CHRM3: variants seen among roughly 807,000 people sequenced by gnomAD.
CHRM3 encodes the protein cholinergic receptor muscarinic 3, also known as muscarinic acetylcholine receptor M3.
Under a neutral mutation model 41.8 loss-of-function variants are expected in CHRM3, and 11 were observed. That is an observed-to-expected ratio of 0.26 (90% CI 0.17 to 0.44). CHRM3 has a LOEUF of 0.44. CHRM3 is among the 20% of genes least tolerant of loss of function. CHRM3 has a pLI of 1.00. For missense variants in CHRM3, 571 were observed against 745.4 expected, an observed-to-expected ratio of 0.77 and a Z score of 2.72; for synonymous variants, 297 against 301.4, an observed-to-expected ratio of 0.99 and a Z score of 0.15.
rs1262427134 is a variant in CHRM3 at position 239,827,249 on chromosome 1, C to T, written c.-146-3C>T. ...ACTCCTTGCCTGGTTTCTGTCTTCC[C>T]AGGTGGAGCTGGTCTCTTGGGCAGC... is the stretch of plus-strand genomic sequence containing the variant. On this transcript the variant is annotated splice_polypyrimidine_tract_variant and splice_region_variant and intron_variant, in intron 5 of 6. Coordinates refer to ENST00000676153, the MANE Select transcript of CHRM3 (RefSeq NM_001375978.1). 2 of 152,196 alleles carry T rather than the reference C, an allele frequency of 1.3e-5. No individual in the cohort carries two copies. The highest frequency in any genetic ancestry group is 2.4e-5 in the African/African-American group (1 of 41,448). 9.4% of individuals were successfully genotyped at this position (152,196 alleles called of 1,614,324 possible). A position where few individuals can be genotyped will look rare whatever the true frequency, so the allele number is the denominator to read the frequency against.
At chr1:239,638,874 T>G (rs1670782161) in intron 4 of CHRM3, among the ~76,000 whole-genome samples, 2 of 152,218 alleles carry the variant, frequency 1.3e-5, no homozygotes, top group African/African-American at 4.8e-5. Context: ...CTAGGTTTTC[T>G]TCTAGGGTTT....
intron 5 of CHRM3, among the ~76,000 whole-genome samples, chr1:239,767,781 T>G (rs1241824150): frequency 6.6e-6 from 1 of 152,196 alleles, no homozygotes; most frequent in African/African-American, 2.4e-5. Context: ...ACTGATGGAA[T>G]CAGATGGATC....
At chr1:239,672,437 G>T (rs989184374) in intron 4 of CHRM3, among the ~76,000 whole-genome samples, 2 of 152,192 alleles carry the variant, frequency 1.3e-5, no homozygotes, top group Non-Finnish European at 2.9e-5. Context: ...CAAATGGCAT[G>T]CATGCAAGTG....
chr1:239,677,432 T>C (rs2149084799), intron 4 of CHRM3, among the ~76,000 whole-genome samples: 2 of 152,382 alleles, frequency 1.3e-5, no homozygotes, highest in Middle Eastern at 6.8e-3. Flanking sequence ...CGTCTTTTTT[T>C]GTGCTGCTAT....
chr1:239,666,005 T>C (rs1236525216), intron 4 of CHRM3, among the ~76,000 whole-genome samples: 1 of 152,186 alleles, frequency 6.6e-6, no homozygotes, highest in African/African-American at 2.4e-5. Flanking sequence ...TATAGTAGAA[T>C]GATTTATAAT....
intron 5 of CHRM3, among the ~76,000 whole-genome samples, chr1:239,790,195 G>T (rs1261426710): frequency 6.6e-6 from 1 of 152,146 alleles, no homozygotes. Flanking sequence ...GGACTTTCGG[G>T]TTAATGCAGA....
chr1:239,539,872 C>T (rs1434722580), intron 2 of CHRM3, among the ~76,000 whole-genome samples: 1 of 152,154 alleles, frequency 6.6e-6, no homozygotes, highest in Admixed American at 6.5e-5. Flanking sequence ...CTGCCTGAGC[C>T]TCCCAAAATG....
intron 5 of CHRM3, among the ~76,000 whole-genome samples, chr1:239,765,787 T>G (rs1355803695): frequency 3.9e-5 from 6 of 152,032 alleles, no homozygotes; most frequent in African/African-American, 1.4e-4. Context: ...GAACTAAGTT[T>G]AATAAAATGA....
chr1:239,907,401 TTCTAAC>T lies in CHRM3; in HGVS notation c.-19-28_-19-23del. 1 of 1,535,836 alleles carries T rather than the reference TTCTAAC, an allele frequency of 6.5e-7. No individual in the cohort carries two copies. Among genetic ancestry groups the T allele is most frequent in the Non-Finnish European group, 8.8e-7 (1 of 1,133,608 alleles). On this transcript the variant is annotated intron_variant, in intron 6 of 6. Transcript: ENST00000676153. This position sits in a 1 kb window ranked among gnomAD's most constrained non-coding sequence, Gnocchi z 5.4. ...AACAAACAAATAAAGGCAGAAATTT[TTCTAAC>T]TCTGTCTCTTCTCTCTTTCCCCCAG...
At chr1:239,762,836 G>T (rs1012480917) in intron 5 of CHRM3, among the ~76,000 whole-genome samples, 2 of 152,142 alleles carry the variant, frequency 1.3e-5, no homozygotes, top group African/African-American at 4.8e-5. Context: ...TCATAAAAAT[G>T]GCTGGATTCA....
chr1:239,491,842 C>A (rs1410738602), intron 1 of CHRM3, among the ~76,000 whole-genome samples: 1 of 152,176 alleles, frequency 6.6e-6, no homozygotes, highest in Non-Finnish European at 1.5e-5. Context: ...CAATCTTACT[C>A]TTTGCCTTCT....
At position 239,861,981 on chromosome 1, in the gene CHRM3, G is replaced by C. The variant is rs559947572; in HGVS notation, c.-20+34603G>C. Among the ~76,000 whole-genome samples the C allele has an allele frequency of 3.9e-5, 6 of 152,170 alleles. No individual in the cohort carries two copies. In the South Asian group the frequency reaches 1.0e-3, roughly 26 times the overall value. ...GAGGCTGTCTGTGCAGTTTGTACTA[G>C]AGCCACCAAAAAAACACAAAAGAAC... On this transcript the variant is annotated intron_variant, in intron 6 of 6. Transcript: ENST00000676153.
chr1:239,542,376 G>A lies in CHRM3; in HGVS notation c.-421-3265G>A, dbSNP rs531541855. 2.0e-5 allele frequency among the ~76,000 whole-genome samples: 3 copies of A among 152,190 alleles called. No individual in the cohort carries two copies. The East Asian group carries it at 5.8e-4, about 29-fold the overall frequency. On this transcript the variant is annotated intron_variant, in intron 2 of 6. Transcript: ENST00000676153. ...GTTATCTACTCAGAGAAAACAGGAG[G>A]AGCAAAGTCAAGTATGGAGCGTAGG...
chr1:239,597,858 GTTTTTTTTTTT>G (rs35067421), intron 3 of CHRM3, among the ~76,000 whole-genome samples: 5 of 120,870 alleles, frequency 4.1e-5, no homozygotes, highest in Non-Finnish European at 8.3e-5. Context: ...AACTGTCAGA[GTTTTTTTTTTT>G]TTTTTTTAGG....
chr1:239,404,266 GT>G lies in CHRM3; in HGVS notation c.-521+17040del. On this transcript the variant is annotated intron_variant, in intron 1 of 6. Transcript: ENST00000676153. ...ATCGCACCACTGCACTCCAGCCTGGGTGACAGAGCGAGACTCTGTCTCAAAA... is the reference window on the plus strand; with the variant it reads ...ATCGCACCACTGCACTCCAGCCTGGGGACAGAGCGAGACTCTGTCTCAAAA... 2.0e-5 allele frequency among the ~76,000 whole-genome samples: 3 copies of G among 148,642 alleles called. No individual in the cohort carries two copies. In the Admixed American group the frequency reaches 2.0e-4, roughly 10 times the overall value.
intron 5 of CHRM3, among the ~76,000 whole-genome samples, chr1:239,760,676 T>C (rs1449564017): frequency 1.3e-5 from 2 of 152,186 alleles, no homozygotes; most frequent in Non-Finnish European, 2.9e-5. Flanking sequence ...TTGAGTTCTT[T>C]AAAGGGGCCG....
At chr1:239,438,990 A>G (rs765011056) in intron 1 of CHRM3, among the ~76,000 whole-genome samples, 59 of 152,214 alleles carry the variant, frequency 3.9e-4, no homozygotes, top group Non-Finnish European at 7.6e-4. Flanking sequence ...CATGAACATA[A>G]TAATTCCCCT....
At chr1:239,425,053 T>C (rs1005686222) in intron 1 of CHRM3, among the ~76,000 whole-genome samples, 1 of 152,134 alleles carries the variant, frequency 6.6e-6, no homozygotes, top group Admixed American at 6.5e-5. Flanking sequence ...TGAGAGATGA[T>C]AGAAGCTTGG....
rs765952354 is a variant in CHRM3 at position 239,907,701 on chromosome 1, A to G, written c.250A>G (p.Ile84Val). The G allele has an allele frequency of 1.2e-5, 19 of 1,614,170 alleles. No individual in the cohort carries two copies. The highest frequency in any genetic ancestry group is 1.3e-5 in the Non-Finnish European group (15 of 1,180,042). Reference sequence around the variant, plus strand: ...GGGCATCCTGGCCTTGGTGACCATCATCGGCAACATCCTGGTAATTGTGTC... The same window carrying G: ...GGGCATCCTGGCCTTGGTGACCATCGTCGGCAACATCCTGGTAATTGTGTC... Reference protein sequence around the residue: ...LTGILALVTIIGNILVIVSFK... With the variant: ...LTGILALVTIVGNILVIVSFK... Residue 84 changes from isoleucine (I) to valine (V), a missense_variant, in exon 7 of 7, where the codon ATC (isoleucine) becomes GTC (valine). By Grantham distance (29) the Ile-to-Val change is conservative. Around this residue, in one of 5 missense-constraint regions of CHRM3, gnomAD observed 153 missense variants for 296.3 expected, o/e 0.52. Coordinates refer to ENST00000676153, the MANE Select transcript of CHRM3 (RefSeq NM_001375978.1). The surrounding 1 kb of genome is among the most constrained non-coding windows in gnomAD (Gnocchi z 5.4).
Sources: allele counts gnomAD v4.1 joint callset (sites outside exome capture counted in the v4.1 genomes callset), GRCh38; gene constraint gnomAD v4.1.1; regional missense constraint gnomAD v4.1.1; non-coding constraint Gnocchi (gnomAD v3.1); transcripts MANE v1.5; gene names NCBI Gene and HGNC (gene_info 2026-07-23, HGNC 2026-07-21).